Variants in AR observed in about 807,000 individuals in gnomAD.
AR encodes dihydrotestosterone receptor.
Under a neutral mutation model 53.9 loss-of-function variants are expected in AR, and 8 were observed. The observed-to-expected ratio is 0.15, with a 90% CI of 0.09 to 0.27. The LOEUF (loss-of-function observed/expected upper bound fraction) is 0.27, where lower values mean the gene tolerates loss of function less well. AR is among the 10% of genes least tolerant of loss of function. The probability of loss-of-function intolerance (pLI) is 1.00; values close to 1 mark genes in which losing one functional copy is unlikely to be tolerated. For missense variants in AR, 639 were observed against 742.5 expected (o/e 0.86, Z 1.62); for synonymous variants, 359 against 316.4 (o/e 1.13, Z -1.43).
At chrX:67,562,099 C>G (rs2147338332) in intron 1 of AR, among the ~76,000 whole-genome samples, 1 of 107,346 alleles carries the variant, frequency 9.3e-6, no homozygotes, top group African/African-American at 3.4e-5. Context: ...ACCACCACTC[C>G]TGGGTAATTT....
At chrX:67,591,249 T>C (rs2087576974) in intron 1 of AR, among the ~76,000 whole-genome samples, 1 of 110,132 alleles carries the variant, frequency 9.1e-6, no homozygotes, top group African/African-American at 3.3e-5. Context: ...AACTATAGGA[T>C]GGGTTTGGTG....
intron 1 of AR, among the ~76,000 whole-genome samples, chrX:67,580,948 A>C (rs1398846638): frequency 8.9e-6 from 1 of 111,983 alleles, no homozygotes; most frequent in African/African-American, 3.2e-5. Context: ...CATAAAGAAG[A>C]GTTTATATTT....
chrX:67,665,132 C>T (rs1927197529), intron 2 of AR, among the ~76,000 whole-genome samples: 1 of 112,865 alleles, frequency 8.9e-6, no homozygotes, highest in African/African-American at 3.2e-5. Flanking sequence ...CCTGCACCCA[C>T]CATTTGACAC....
chrX:67,546,564 G>GCGA lies in AR; in HGVS notation c.1419_1421dup (p.Gly473_Glu474insAsp), dbSNP rs773681473. 2.6e-5 allele frequency: 25 copies of GCGA among 979,917 alleles called. No homozygotes were observed. The highest frequency in any genetic ancestry group is 2.1e-5 in the African/African-American group (1 of 47,590). 80.8% of individuals were successfully genotyped at this position (979,917 alleles called of 1,213,427 possible). A position where few individuals can be genotyped will look rare whatever the true frequency, so the allele number is the denominator to read the frequency against. The stretch of plus-strand genomic sequence containing the variant: ...GGCGGCGGCGGCGGCGGCGGCGGCG[G>GCGA]CGAGGCGGGAGCTGTAGCCCCCTAC... On this transcript the variant is annotated inframe_insertion, in exon 1 of 8. Coordinates refer to ENST00000374690, the MANE Select transcript of AR (RefSeq NM_000044.6).
intron 3 of AR, among the ~76,000 whole-genome samples, chrX:67,693,657 C>T (rs934476223): frequency 9.0e-5 from 10 of 111,683 alleles, no homozygotes; most frequent in Non-Finnish European, 1.5e-4. Flanking sequence ...GGGAAAAACA[C>T]GCAGCCACCC....
At chrX:67,687,529 T>C (rs1444960950) in intron 3 of AR, among the ~76,000 whole-genome samples, 1 of 111,859 alleles carries the variant, frequency 8.9e-6, no homozygotes, top group Non-Finnish European at 1.9e-5. Flanking sequence ...TTGGTTTGCT[T>C]GGTGCACCCC....
At chrX:67,714,929 T>G (rs2076107035) in intron 4 of AR, among the ~76,000 whole-genome samples, 2 of 112,101 alleles carry the variant, frequency 1.8e-5, no homozygotes, top group Non-Finnish European at 1.9e-5. Context: ...TTACTGGGTT[T>G]GAGTGCTAAG....
At chrX:67,623,157 T>A in intron 1 of AR, among the ~76,000 whole-genome samples, 1 of 110,714 alleles carries the variant, frequency 9.0e-6, no homozygotes, top group Non-Finnish European at 1.9e-5. Context: ...AATGGTGGAA[T>A]GAGAACCACC....
intron 4 of AR, among the ~76,000 whole-genome samples, chrX:67,713,973 A>C (rs1405921138): frequency 8.9e-6 from 1 of 112,613 alleles, no homozygotes; most frequent in Non-Finnish European, 1.9e-5. Context: ...GTAATTTGCT[A>C]ATTCAATAGA....
intron 2 of AR, among the ~76,000 whole-genome samples, chrX:67,679,497 T>G (rs2147488866): frequency 8.9e-6 from 1 of 111,836 alleles, no homozygotes; most frequent in South Asian, 3.7e-4. Flanking sequence ...TATTATTTTC[T>G]TACAACACAT....
intron 1 of AR, among the ~76,000 whole-genome samples, chrX:67,565,291 C>T (rs778456123): frequency 1.2e-4 from 13 of 112,043 alleles, no homozygotes; most frequent in Non-Finnish European, 2.1e-4. Context: ...AGCCATGCCC[C>T]GGATCTATAA....
intron 1 of AR, among the ~76,000 whole-genome samples, chrX:67,641,005 C>T (rs770835870): frequency 9.0e-6 from 1 of 111,345 alleles, no homozygotes; most frequent in East Asian, 2.8e-4. Flanking sequence ...GGAAATATCT[C>T]GATCACCACT....
At chrX:67,652,126 G>A (rs888442925) in intron 2 of AR, among the ~76,000 whole-genome samples, 4 of 111,714 alleles carry the variant, frequency 3.6e-5, no homozygotes, top group Non-Finnish European at 7.5e-5. Context: ...CTCAATGTCA[G>A]AAAATAGAGA....
At chrX:67,650,743 T>A (rs147951101) in intron 2 of AR, among the ~76,000 whole-genome samples, 1 of 111,739 alleles carries the variant, frequency 8.9e-6, no homozygotes, top group Non-Finnish European at 1.9e-5. Flanking sequence ...AAAATTGAAC[T>A]GAGATTTGGA....
intron 2 of AR, among the ~76,000 whole-genome samples, chrX:67,682,829 TC>T (rs1382274196): frequency 1.8e-5 from 2 of 112,042 alleles, no homozygotes; most frequent in Non-Finnish European, 3.8e-5. Context: ...CCTATCTTTG[TC>T]CTTAAACCAA....
chrX:67,651,110 G>A (rs912974631), intron 2 of AR, among the ~76,000 whole-genome samples: 3 of 108,191 alleles, frequency 2.8e-5, no homozygotes, highest in African/African-American at 6.8e-5. Flanking sequence ...GCACGATCTC[G>A]GCTCACTGCA....
intron 1 of AR, among the ~76,000 whole-genome samples, chrX:67,631,313 A>G (rs1240151536): frequency 3.6e-5 from 4 of 111,197 alleles, no homozygotes; most frequent in Admixed American, 9.5e-5. Context: ...CCATAGTCCC[A>G]TATTTCTTGG....
intron 2 of AR, among the ~76,000 whole-genome samples, chrX:67,654,465 T>C (rs1048444983): frequency 7.2e-5 from 8 of 110,608 alleles, no homozygotes; most frequent in Non-Finnish European, 1.3e-4. Context: ...TCTTTACTTT[T>C]TACCTCCCAG....
In AR at chrX:67,661,303, G is replaced by A. The variant is rs765772378; in HGVS notation, c.1768+17896G>A. Among the ~76,000 whole-genome samples, 70 of 110,807 alleles carry A rather than the reference G, an allele frequency of 6.3e-4. No homozygotes were observed. In the East Asian group the frequency reaches 6.8e-3, roughly 11 times the overall value. On this transcript the variant is annotated intron_variant, in intron 2 of 7. Transcript: ENST00000374690. Reference sequence around the variant, plus strand: ...CCCTGTCTTGTGCCAGTTTTCAAAGGGAATGCTTCCAGTTTTTGCCCATTC... The same window carrying A: ...CCCTGTCTTGTGCCAGTTTTCAAAGAGAATGCTTCCAGTTTTTGCCCATTC...
Sources: allele counts gnomAD v4.1 joint callset (sites outside exome capture counted in the v4.1 genomes callset), GRCh38; gene constraint gnomAD v4.1.1; transcripts MANE v1.5; gene names NCBI Gene and HGNC (gene_info 2026-07-23, HGNC 2026-07-21).